The following KIAA1217 variants were observed in gnomAD, a reference collection of about 807,000 sequenced individuals.
The protein encoded by KIAA1217 is sickle tail protein homolog.
A neutral mutation model predicts 163.9 loss-of-function variants in KIAA1217; 88 were observed. The ratio of observed to expected loss-of-function variants is 0.54; its 90% CI spans 0.45 to 0.64. KIAA1217 has a LOEUF of 0.64. Among genes scored for constraint, KIAA1217 ranks in the 30% least tolerant of loss-of-function variants. The pLI is 0.00. For missense variants in KIAA1217, 2,372 were observed against 2,475.0 expected (o/e 0.96, Z 0.88); for synonymous variants, 903 against 923.1 (o/e 0.98, Z 0.39).
intron 1 of KIAA1217, among the ~76,000 whole-genome samples, chr10:23,896,049 G>A (rs1464960947): frequency 2.7e-5 from 4 of 150,724 alleles, no homozygotes; most frequent in East Asian, 4.0e-4. Flanking sequence ...GCTAAATGAC[G>A]AGTTAGTGGG....
chr10:23,797,997 G>A (rs1039216309), intron 1 of KIAA1217, among the ~76,000 whole-genome samples: 5 of 152,126 alleles, frequency 3.3e-5, no homozygotes, highest in African/African-American at 1.2e-4. Flanking sequence ...CATTCCAAGA[G>A]GTCATTAATT....
At chr10:24,192,906 A>C (rs1024104764) in intron 2 of KIAA1217, among the ~76,000 whole-genome samples, 2 of 152,172 alleles carry the variant, frequency 1.3e-5, no homozygotes, top group African/African-American at 4.8e-5. Flanking sequence ...CAGCCTCCTG[A>C]GTAACTGGTA....
intron 2 of KIAA1217, among the ~76,000 whole-genome samples, chr10:24,292,168 A>C (rs920276728): frequency 1.3e-5 from 2 of 152,202 alleles, no homozygotes; most frequent in African/African-American, 4.8e-5. Flanking sequence ...TTCTGGATTT[A>C]TTATGAATAA....
At chr10:24,445,227 G>C (rs2060823404) in intron 5 of KIAA1217, among the ~76,000 whole-genome samples, 1 of 152,012 alleles carries the variant, frequency 6.6e-6, no homozygotes, top group African/African-American at 2.4e-5. Context: ...ATCAATGTTG[G>C]ACACTGGATT....
chr10:24,382,340 G>C (rs1240314205), intron 3 of KIAA1217, among the ~76,000 whole-genome samples: 1 of 151,972 alleles, frequency 6.6e-6, no homozygotes, highest in East Asian at 1.9e-4. Context: ...GAAAAAGATT[G>C]ATGTGAGAGA....
intron 2 of KIAA1217, among the ~76,000 whole-genome samples, chr10:24,182,928 G>A (rs565360343): frequency 2.6e-5 from 4 of 152,296 alleles, no homozygotes; most frequent in African/African-American, 9.6e-5. Context: ...ATGTTAAAAA[G>A]TGATCCCCAA....
At chr10:24,389,790 G>A (rs1267992331) in intron 3 of KIAA1217, among the ~76,000 whole-genome samples, 1 of 152,172 alleles carries the variant, frequency 6.6e-6, no homozygotes, top group Non-Finnish European at 1.5e-5. Flanking sequence ...TGAGAAGCAA[G>A]GCAGTTGTGG....
chr10:24,213,141 G>A (rs4748930), intron 1 of KIAA1217, among the ~76,000 whole-genome samples: 88,965 of 152,064 alleles, frequency 0.59, 26,334 homozygotes, highest in East Asian at 0.7. Flanking sequence ...TGAATAGCCC[G>A]GCTACCAGGT....
Position 24,027,343 on chromosome 10 carries a change from C to T in KIAA1217, c.-171+19969C>T, listed in dbSNP as rs115326267. On this transcript the variant is annotated intron_variant, in intron 2 of 18. Transcript: ENST00000376462. ...TTCTCTTAGCAATCACTGTCCTGTG[C>T]TATATATTGCGCAATATCTGAAAAC... is the stretch of plus-strand genomic sequence containing the variant. 4.9e-3 allele frequency among the ~76,000 whole-genome samples: 750 copies of T among 152,188 alleles called. 5 individuals carry two copies. The highest frequency in any genetic ancestry group is 0.017 in the African/African-American group (716 of 41,528).
chr10:24,181,495 C>T (rs2066169281), intron 2 of KIAA1217, among the ~76,000 whole-genome samples: 1 of 152,160 alleles, frequency 6.6e-6, no homozygotes, highest in South Asian at 2.1e-4. Context: ...CAAGGTAATG[C>T]ATGGCTGGAT....
At chr10:23,815,512 C>T (rs901281940) in intron 1 of KIAA1217, among the ~76,000 whole-genome samples, 1 of 152,092 alleles carries the variant, frequency 6.6e-6, no homozygotes, top group Non-Finnish European at 1.5e-5. Context: ...GGCGTGGTGG[C>T]AGGCGCCTGT....
chr10:24,182,523 C>A (rs578115891), intron 2 of KIAA1217, among the ~76,000 whole-genome samples: 1 of 150,612 alleles, frequency 6.6e-6, no homozygotes, highest in East Asian at 1.9e-4. Context: ...TGTTTGTCTT[C>A]ATTTTGTTTT....
intron 2 of KIAA1217, among the ~76,000 whole-genome samples, chr10:24,150,718 A>T (rs1357187384): frequency 6.6e-6 from 1 of 152,094 alleles, no homozygotes; most frequent in Admixed American, 6.6e-5. Flanking sequence ...TGCATCTGGG[A>T]TCCCTGAAGT....
rs541595363 is a variant in KIAA1217, at chr10:24,212,042, GAA to G, written c.70+2781_70+2782del. 1.6e-4 allele frequency among the ~76,000 whole-genome samples: 24 copies of G among 145,582 alleles called. No homozygotes were observed. In the South Asian group the frequency reaches 5.3e-3, roughly 32 times the overall value. On this transcript the variant is annotated intron_variant, in intron 1 of 20. Transcript: ENST00000376454. ...TGGGTAACAGTGTAAGATTCTGAAA[GAA>G]AGAGAGAGAGAAAGACAGAGAGAAA... is the stretch of plus-strand genomic sequence containing the variant.
chr10:24,016,550 A>G (rs535555955), intron 2 of KIAA1217, among the ~76,000 whole-genome samples: 190 of 152,284 alleles, frequency 1.2e-3, no homozygotes, highest in Non-Finnish European at 2.3e-3. Context: ...TATTAAAATT[A>G]TGTTTAAAGA....
chr10:24,476,204 C>T (rs1196731737), intron 6 of KIAA1217, among the ~76,000 whole-genome samples: 2 of 152,184 alleles, frequency 1.3e-5, no homozygotes, highest in African/African-American at 2.4e-5. Flanking sequence ...CTTTCCAGAA[C>T]CTAGCTCAGT....
chr10:23,704,263 TCTTTC>T (rs1423493989), intron 1 of KIAA1217, among the ~76,000 whole-genome samples: 1 of 143,924 alleles, frequency 6.9e-6, no homozygotes, highest in East Asian at 2.0e-4. Flanking sequence ...CTTCTTTTTT[TCTTTC>T]CTTTCTTTTT....
chr10:24,220,446 CTTTTTTTTT>C (rs530992369), intron 2 of KIAA1217, among the ~76,000 whole-genome samples: 27,417 of 102,236 alleles, frequency 0.27, 2,701 homozygotes, highest in Middle Eastern at 0.36. Flanking sequence ...TTCTGCTCTT[CTTTTTTTTT>C]TTTTTTTTTT....
chr10:23,874,070 T>A lies in KIAA1217; in HGVS notation c.-320-133155T>A, dbSNP rs549229222. Among the ~76,000 whole-genome samples, 9 of 152,202 alleles carry A rather than the reference T, an allele frequency of 5.9e-5. No individual in the cohort carries two copies. The South Asian group carries it at 6.2e-4, about 11-fold the overall frequency. On this transcript the variant is annotated intron_variant, in intron 1 of 18. Transcript: ENST00000376462. ...AAAGAATATGTGCAATATTTTATGA[T>A]ATCATTTCTGTAGTTCACCCAAACC...
Sources: gnomAD v4.1 joint callset for allele counts (sites outside exome capture counted in the v4.1 genomes callset) on GRCh38, gnomAD v4.1.1 for gene constraint, MANE v1.5 for transcripts, NCBI Gene and HGNC (gene_info 2026-07-23, HGNC 2026-07-21) for gene names.